GPC5: variants seen among roughly 807,000 people sequenced by gnomAD.
GPC5 encodes the protein glypican-5.
A neutral mutation model predicts 53.9 loss-of-function variants in GPC5; 47 were observed. The ratio of observed to expected loss-of-function variants is 0.87; its 90% CI spans 0.69 to 1.11. The LOEUF is 1.11. Ranked by LOEUF, GPC5 falls within the 50% of genes most tolerant of loss-of-function variation. The pLI, the probability that GPC5 is intolerant of heterozygous loss-of-function variation, is 0.00. For missense variants in GPC5, 748 were observed against 713.1 expected, an observed-to-expected ratio of 1.05 and a Z score of -0.56; for synonymous variants, 286 against 263.3, an observed-to-expected ratio of 1.09 and a Z score of -0.84.
chr13:91,725,447 G>A (rs1403819259), intron 3 of GPC5, among the ~76,000 whole-genome samples: 2 of 152,186 alleles, frequency 1.3e-5, no homozygotes, highest in Non-Finnish European at 2.9e-5. Flanking sequence ...TGAGGTGACA[G>A]GGTAGTGTCC....
intron 7 of GPC5, among the ~76,000 whole-genome samples, chr13:92,683,948 CTCTT>C (rs1887179179): frequency 6.6e-6 from 1 of 152,088 alleles, no homozygotes; most frequent in African/African-American, 2.4e-5. Flanking sequence ...TTAGGGTTCA[CTCTT>C]TATGTTGTCC....
intron 6 of GPC5, among the ~76,000 whole-genome samples, chr13:92,012,293 T>G (rs2138776450): frequency 6.6e-6 from 1 of 152,294 alleles, no homozygotes. Flanking sequence ...CTATTTGCTA[T>G]AAATACATAG....
intron 7 of GPC5, among the ~76,000 whole-genome samples, chr13:92,740,925 T>C (rs1048865704): frequency 1.0e-4 from 15 of 144,754 alleles, no homozygotes; most frequent in African/African-American, 3.8e-4. Flanking sequence ...TATATGTGCA[T>C]ATGTATGCAT....
In GPC5 at chr13:92,769,941, T is replaced by G. The variant is rs74523607; in HGVS notation, c.1562-96341T>G. On this transcript the variant is annotated intron_variant, in intron 7 of 7. Coordinates refer to ENST00000377067, the MANE Select transcript of GPC5 (RefSeq NM_004466.6). ...GCAGATCTTAAACTCCTTTGTGCTT[T>G]CACATCCTAGCCCAAGACCTTGTAC... 4.0e-3 allele frequency among the ~76,000 whole-genome samples: 614 copies of G among 152,350 alleles called. 4 individuals are homozygous for G. Among genetic ancestry groups the G allele is most frequent in the Non-Finnish European group, 7.0e-3 (476 of 68,038 alleles).
chr13:91,961,512 C>T (rs944342390), intron 6 of GPC5, among the ~76,000 whole-genome samples: 2 of 151,846 alleles, frequency 1.3e-5, no homozygotes, highest in African/African-American at 4.8e-5. Flanking sequence ...CTTATGATTT[C>T]ATGTGGAATT....
At chr13:92,466,627 A>G (rs1184960135) in intron 7 of GPC5, among the ~76,000 whole-genome samples, 1 of 152,090 alleles carries the variant, frequency 6.6e-6, no homozygotes, top group African/African-American at 2.4e-5. Flanking sequence ...TATAGAAGCT[A>G]TAATAATTAG....
chr13:92,817,873 TTTTAA>T (rs1314329319), intron 7 of GPC5, among the ~76,000 whole-genome samples: 1 of 151,990 alleles, frequency 6.6e-6, no homozygotes, highest in Non-Finnish European at 1.5e-5. Context: ...ATTCTGGGCT[TTTTAA>T]TTTGTCTCTT....
chr13:92,305,877 G>A (rs1403996515), intron 7 of GPC5, among the ~76,000 whole-genome samples: 2 of 152,188 alleles, frequency 1.3e-5, no homozygotes, highest in African/African-American at 4.8e-5. Flanking sequence ...TTCAGCGAAG[G>A]ATTCAGGGGA....
chr13:92,748,618 G>C (rs542748531), intron 7 of GPC5, among the ~76,000 whole-genome samples: 1 of 151,950 alleles, frequency 6.6e-6, no homozygotes, highest in Non-Finnish European at 1.5e-5. Flanking sequence ...ACGGCACCTG[G>C]CCTGTCATTT....
chr13:91,600,819 T>C (rs1265984204), intron 2 of GPC5, among the ~76,000 whole-genome samples: 1 of 152,196 alleles, frequency 6.6e-6, no homozygotes, highest in African/African-American at 2.4e-5. Context: ...TATTACAGAA[T>C]CGATTTAATG....
chr13:92,751,333 A>AAAAAAAACCTTCC (rs1393422280), intron 7 of GPC5, among the ~76,000 whole-genome samples: 1 of 145,280 alleles, frequency 6.9e-6, no homozygotes, highest in East Asian at 2.2e-4. Flanking sequence ...AAAAAAAAAA[A>AAAAAAAACCTTCC]AACCTTCCAA....
At chr13:92,005,200 A>T (rs1296490593) in intron 6 of GPC5, among the ~76,000 whole-genome samples, 1 of 152,174 alleles carries the variant, frequency 6.6e-6, no homozygotes, top group African/African-American at 2.4e-5. Context: ...GTCGGTTAAG[A>T]TTTTCCCTCC....
At chr13:91,646,560 C>A (rs2034562142) in intron 2 of GPC5, among the ~76,000 whole-genome samples, 1 of 151,866 alleles carries the variant, frequency 6.6e-6, no homozygotes, top group Non-Finnish European at 1.5e-5. Flanking sequence ...TAAAGAACTG[C>A]AAATTCTTGA....
chr13:92,692,067 C>T (rs1887417288), intron 7 of GPC5, among the ~76,000 whole-genome samples: 1 of 152,070 alleles, frequency 6.6e-6, no homozygotes, highest in Non-Finnish European at 1.5e-5. Flanking sequence ...CTATTGTTCC[C>T]ACCTTTATAT....
chr13:92,076,413 A>G (rs540588114), intron 6 of GPC5, among the ~76,000 whole-genome samples: 9 of 152,154 alleles, frequency 5.9e-5, no homozygotes, highest in Non-Finnish European at 1.2e-4. Context: ...GTATTTTCCT[A>G]TATGATTTTT....
rs564250057 is a variant in GPC5, at chr13:91,679,314, T to C, written c.326-13873T>C. Among the ~76,000 whole-genome samples, 4 of 152,266 alleles carry C rather than the reference T, an allele frequency of 2.6e-5. No individual in the cohort carries two copies. In the South Asian group the frequency reaches 8.3e-4, roughly 32 times the overall value. ...CGTGGGCAATAAAAGTTCTAAGACT[T>C]TGAGTCCAGATGCTTAGATGGTTGA... On this transcript the variant is annotated intron_variant, in intron 2 of 7. Transcript: ENST00000377067.
chr13:92,729,365 A>G (rs1888737163), intron 7 of GPC5, among the ~76,000 whole-genome samples: 1 of 151,480 alleles, frequency 6.6e-6, no homozygotes, highest in Non-Finnish European at 1.5e-5. Flanking sequence ...TGTAATTAGT[A>G]GAAATTGGGA....
chr13:92,385,421 CATATATACATATAT>C (rs2043789230), intron 7 of GPC5, among the ~76,000 whole-genome samples: 1 of 30,080 alleles, frequency 3.3e-5, no homozygotes, highest in African/African-American at 7.9e-5. Context: ...CATATATATA[CATATATACATATAT>C]ACATATATAC....
chr13:92,115,333 C>T (rs530381677), intron 6 of GPC5, among the ~76,000 whole-genome samples: 48 of 152,272 alleles, frequency 3.2e-4, no homozygotes, highest in African/African-American at 9.4e-4. Context: ...ATGGAGAAAG[C>T]GCATCTCTAC....
Sources: allele counts gnomAD v4.1 joint callset (sites outside exome capture counted in the v4.1 genomes callset), GRCh38; gene constraint gnomAD v4.1.1; transcripts MANE v1.5; gene names NCBI Gene and HGNC (gene_info 2026-07-23, HGNC 2026-07-21).